GXYLT1: variants seen among roughly 807,000 people sequenced by gnomAD.
GXYLT1 encodes the protein glucoside xylosyltransferase 1.
GXYLT1 carries 29 observed loss-of-function variants against 54.0 expected under a neutral mutation model. The observed-to-expected ratio is 0.54, with a 90% CI of 0.40 to 0.73. The LOEUF is 0.73. Among genes scored for constraint, GXYLT1 ranks in the 30% least tolerant of loss-of-function variants. The probability of loss-of-function intolerance (pLI) is 0.00; values close to 1 mark genes in which losing one functional copy is unlikely to be tolerated. For missense variants in GXYLT1, 490 were observed against 553.4 expected, an observed-to-expected ratio of 0.89 and a Z score of 1.15; for synonymous variants, 176 against 204.1, an observed-to-expected ratio of 0.86 and a Z score of 1.17.
intron 1 of GXYLT1, among the ~76,000 whole-genome samples, chr12:42,143,740 A>T (rs1461643657): frequency 1.3e-5 from 2 of 152,182 alleles, no homozygotes; most frequent in Admixed American, 1.3e-4. Context: ...TTACGTCCTA[A>T]GTCATTACGT....
intron 2 of GXYLT1, among the ~76,000 whole-genome samples, chr12:42,123,633 ATTTTG>A (rs1014499149): frequency 1.3e-5 from 2 of 151,990 alleles, no homozygotes; most frequent in African/African-American, 2.4e-5. Flanking sequence ...AACTTTTTTG[ATTTTG>A]TTTTATTTCA....
Position 42,097,622 on chromosome 12 carries a change from A to G in GXYLT1, c.989-8T>C. ...GAAAAACAAAAAGGCTTTCTACATA[A>G]AGAAAAGACCAAACAATGAAGCAAA... On this transcript the variant is annotated splice_region_variant and splice_polypyrimidine_tract_variant and intron_variant, in intron 6 of 7. Coordinates refer to ENST00000398675, the MANE Select transcript of GXYLT1 (RefSeq NM_173601.2). 6.2e-7 allele frequency: 1 copy of G among 1,601,604 alleles called. No individual in the cohort carries two copies.
chr12:42,121,533 G>A (rs974705355), intron 2 of GXYLT1, among the ~76,000 whole-genome samples: 1 of 152,072 alleles, frequency 6.6e-6, no homozygotes, highest in Admixed American at 6.6e-5. Context: ...TAAAGGCTGA[G>A]GTAGGAGGGT....
chr12:42,112,554 G>GA (rs2065464933), intron 3 of GXYLT1, among the ~76,000 whole-genome samples: 1 of 152,102 alleles, frequency 6.6e-6, no homozygotes, highest in East Asian at 1.9e-4. Flanking sequence ...GATGGAAGAC[G>GA]AAACGAATGA....
chr12:42,094,779 G>A (rs959089293), intron 7 of GXYLT1, among the ~76,000 whole-genome samples: 1 of 152,018 alleles, frequency 6.6e-6, no homozygotes, highest in African/African-American at 2.4e-5. Context: ...CACAGGAAAA[G>A]TACTAATATT....
chr12:42,142,320 G>A (rs76859585), intron 1 of GXYLT1, among the ~76,000 whole-genome samples: 3,612 of 151,514 alleles, frequency 0.024, 140 homozygotes, highest in African/African-American at 0.083. Flanking sequence ...CGTATCTCAT[G>A]GTGGCCAAAA....
chr12:42,115,214 C>A (rs1374012701), intron 3 of GXYLT1, among the ~76,000 whole-genome samples: 2 of 152,162 alleles, frequency 1.3e-5, no homozygotes, highest in Non-Finnish European at 2.9e-5. Flanking sequence ...CCTTTGAAAC[C>A]TGGCACAAGA....
chr12:42,126,507 C>T (rs1274531329), intron 2 of GXYLT1, among the ~76,000 whole-genome samples: 2 of 152,096 alleles, frequency 1.3e-5, no homozygotes, highest in Non-Finnish European at 2.9e-5. Context: ...ATAATTCCAG[C>T]ACTTTGAGAG....
chr12:42,133,843 C>T (rs1319627678), intron 1 of GXYLT1, among the ~76,000 whole-genome samples: 1 of 152,108 alleles, frequency 6.6e-6, no homozygotes, highest in Non-Finnish European at 1.5e-5. Flanking sequence ...CTAACCAACA[C>T]CCAGGTTACA....
At chr12:42,126,272 C>T (rs1198847090) in intron 2 of GXYLT1, among the ~76,000 whole-genome samples, 1 of 152,010 alleles carries the variant, frequency 6.6e-6, no homozygotes, top group South Asian at 2.1e-4. Flanking sequence ...CGGGGTTTCA[C>T]CATGTTGGCC....
At chr12:42,098,133 A>C in intron 5 of GXYLT1, 100 bp from the exon 6 acceptor site, 11 of 1,119,412 alleles carry the variant, frequency 9.8e-6, no homozygotes, top group Non-Finnish European at 1.4e-5. Flanking sequence ...TTACAAATCC[A>C]CAAAGAGAAA....
chr12:42,102,979 C>T (rs1452313152), intron 5 of GXYLT1, among the ~76,000 whole-genome samples: 1 of 151,100 alleles, frequency 6.6e-6, no homozygotes, highest in African/African-American at 2.4e-5. Flanking sequence ...GACAGAGTCT[C>T]ACTCACATTG....
intron 1 of GXYLT1, among the ~76,000 whole-genome samples, chr12:42,143,612 G>C (rs1025282897): frequency 3.3e-5 from 5 of 152,300 alleles, no homozygotes; most frequent in African/African-American, 1.2e-4. Flanking sequence ...CATACATAAG[G>C]TGGAAGTGTC....
rs2065531952 is a variant in GXYLT1, at chr12:42,121,598, C to T, written c.315-2427G>A. On this transcript the variant is annotated intron_variant, in intron 2 of 7. Transcript: ENST00000398675. ...TGAGCTGTGAGCATGCCACACTGCACTCCAGCCTGGGTGCTGGGCGATGTC... is the reference window on the plus strand; with the variant it reads ...TGAGCTGTGAGCATGCCACACTGCATTCCAGCCTGGGTGCTGGGCGATGTC... Among the ~76,000 whole-genome samples, 4 of 152,096 alleles carry T rather than the reference C, an allele frequency of 2.6e-5. No homozygotes were observed. The Middle Eastern group carries it at 0.01, about 388-fold the overall frequency.
intron 3 of GXYLT1, among the ~76,000 whole-genome samples, chr12:42,114,659 G>T (rs1256398438): frequency 2.0e-5 from 3 of 152,104 alleles, no homozygotes; most frequent in Non-Finnish European, 4.4e-5. Context: ...ACCAAAAAAA[G>T]TCCAGGACCA....
chr12:42,136,622 G>GA (rs1381996038), intron 1 of GXYLT1, among the ~76,000 whole-genome samples: 1 of 152,152 alleles, frequency 6.6e-6, no homozygotes, highest in Non-Finnish European at 1.5e-5. Flanking sequence ...TTGCGGTGAT[G>GA]AAACAATTCT....
intron 2 of GXYLT1, among the ~76,000 whole-genome samples, chr12:42,125,085 C>G (rs945436089): frequency 6.6e-6 from 1 of 152,024 alleles, no homozygotes; most frequent in Non-Finnish European, 1.5e-5. Context: ...CAAGAGGAGA[C>G]AGAGAAGGGA....
In GXYLT1 at chr12:42,132,420, G is replaced by A. The variant is rs557679597; in HGVS notation, c.222-2569C>T. ...TCCAACTTAAAAATGATTAAATTTT[G>A]AAAATTTGTGTTTCTACGAATACTT... On this transcript the variant is annotated intron_variant, in intron 1 of 7. Transcript: ENST00000398675. Among the ~76,000 whole-genome samples, 15 of 152,222 alleles carry A rather than the reference G, an allele frequency of 9.9e-5. No individual in the cohort carries two copies. The South Asian group carries it at 3.1e-3, about 32-fold the overall frequency.
intron 1 of GXYLT1, among the ~76,000 whole-genome samples, chr12:42,138,879 A>G (rs1446737315): frequency 1.3e-5 from 2 of 152,106 alleles, no homozygotes; most frequent in African/African-American, 4.8e-5. Flanking sequence ...TACAAAAAGA[A>G]AAAAACAAAA....
Sources: gnomAD v4.1 joint callset for allele counts (sites outside exome capture counted in the v4.1 genomes callset) on GRCh38, gnomAD v4.1.1 for gene constraint, MANE v1.5 for transcripts, NCBI Gene and HGNC (gene_info 2026-07-23, HGNC 2026-07-21) for gene names.